RAPH1: variants seen among roughly 807,000 people sequenced by gnomAD.
RAPH1 encodes ras-associated and pleckstrin homology domains-containing protein 1.
RAPH1 carries 18 observed loss-of-function variants against 88.1 expected under a neutral mutation model. The ratio of observed to expected loss-of-function variants is 0.20; its 90% CI spans 0.14 to 0.30. RAPH1 has a LOEUF of 0.30. Among genes scored for constraint, RAPH1 ranks in the 10% least tolerant of loss-of-function variants. RAPH1 has a pLI of 1.00. For missense variants in RAPH1, 1,448 were observed against 1,543.2 expected (o/e 0.94, Z 1.03); for synonymous variants, 587 against 559.0 (o/e 1.05, Z -0.71).
At chr2:203,478,036 GTT>G (rs71408938) in intron 4 of RAPH1, among the ~76,000 whole-genome samples, 160 of 140,298 alleles carry the variant, frequency 1.1e-3, no homozygotes, top group Middle Eastern at 3.5e-3. Context: ...ATAACTTTTT[GTT>G]TTTTTTTTTT....
At chr2:203,441,997 G>C in intron 13 of RAPH1, 1 of 1,542,052 alleles carries the variant, frequency 6.5e-7, no homozygotes, top group African/African-American at 1.4e-5. Flanking sequence ...ACACACACTC[G>C]TGTTGGTGTG....
At chr2:203,442,361 C>G (rs2098505024) in intron 13 of RAPH1, 2 of 280,372 alleles carry the variant, frequency 7.1e-6, no homozygotes. Flanking sequence ...ACTTTAGGTA[C>G]ATCTTTTAGG....
intron 4 of RAPH1, among the ~76,000 whole-genome samples, chr2:203,485,765 G>T (rs148420716): frequency 7.8e-4 from 118 of 151,698 alleles, no homozygotes; most frequent in Non-Finnish European, 1.2e-3. Flanking sequence ...GTTTTTAGTT[G>T]TCACAACTGA....
intron 8 of RAPH1, among the ~76,000 whole-genome samples, chr2:203,456,124 T>C (rs1258898779): frequency 1.3e-5 from 2 of 152,204 alleles, no homozygotes; most frequent in African/African-American, 2.4e-5. Flanking sequence ...TAAATAAAAA[T>C]GCCAGTCATA....
At chr2:203,533,741 C>A (rs1690490764) in intron 1 of RAPH1, among the ~76,000 whole-genome samples, 1 of 151,994 alleles carries the variant, frequency 6.6e-6, no homozygotes, top group Non-Finnish European at 1.5e-5. Flanking sequence ...CCGCACCGCA[C>A]CCCCAAAAAA....
chr2:203,453,195 T>C (rs2098516272), intron 10 of RAPH1, among the ~76,000 whole-genome samples: 1 of 152,126 alleles, frequency 6.6e-6, no homozygotes, highest in African/African-American at 2.4e-5. Context: ...TATTTGCACC[T>C]AAAGGTACCT....
At position 203,438,045 on chromosome 2, in the gene RAPH1, T is replaced by A; in HGVS notation, c.*1392A>T. 2.2e-6 allele frequency: 1 copy of A among 458,428 alleles called. No homozygotes were observed. Among genetic ancestry groups the A allele is most frequent in the Non-Finnish European group, 4.4e-6 (1 of 229,400 alleles). 28.4% of individuals were successfully genotyped at this position (458,428 alleles called of 1,614,324 possible). On this transcript the variant is annotated 3_prime_UTR_variant, in exon 14 of 14. Transcript: ENST00000319170. ...AAGCATATAGAAGTATAGTGTGTCG[T>A]TAGAGCACTGACTCCACGTTATACC...
Position 203,444,856 on chromosome 2 carries a change from C to A in RAPH1, c.1776+12G>T. The A allele has an allele frequency of 6.2e-7, 1 of 1,610,862 alleles. No individual in the cohort carries two copies. Among genetic ancestry groups the A allele is most frequent in the South Asian group, 1.1e-5 (1 of 90,302 alleles). On this transcript the variant is annotated intron_variant, in intron 13 of 13. Coordinates refer to ENST00000319170, the MANE Select transcript of RAPH1 (RefSeq NM_213589.3). ...ACAGAATTTTCAATGTAAATTAAAA[C>A]GAAGCTGTTACCTTGCTGGACTCTT...
At chr2:203,456,008 C>G (rs1434240901) in intron 8 of RAPH1, among the ~76,000 whole-genome samples, 1 of 150,712 alleles carries the variant, frequency 6.6e-6, no homozygotes, top group Non-Finnish European at 1.5e-5. Context: ...GACTCTGTCT[C>G]AAAACAAAAA....
intron 7 of RAPH1, among the ~76,000 whole-genome samples, chr2:203,458,716 C>A (rs1204549602): frequency 1.3e-5 from 2 of 152,002 alleles, no homozygotes; most frequent in African/African-American, 2.4e-5. Flanking sequence ...TGCAAATCCA[C>A]AGATGCAGAA....
chr2:203,515,297 G>C lies in RAPH1; in HGVS notation c.-1+19814C>G, dbSNP rs144673401. On this transcript the variant is annotated intron_variant, in intron 1 of 13. Coordinates refer to ENST00000319170, the MANE Select transcript of RAPH1 (RefSeq NM_213589.3). ...AAACCATTAACAATGCATAACCATT[G>C]CAAGTTCTGTTTGACGGTATACTGT... Among the ~76,000 whole-genome samples the C allele has an allele frequency of 3.2e-4, 48 of 152,276 alleles. 1 individual carries two copies. Among genetic ancestry groups the C allele is most frequent in the Middle Eastern group, 3.4e-3 (1 of 294 alleles).
rs185433375 is a variant in RAPH1 at position 203,496,524 on chromosome 2, A to G, written c.1-1171T>C. 7.9e-4 allele frequency among the ~76,000 whole-genome samples: 120 copies of G among 152,348 alleles called. 2 individuals carry two copies. The highest frequency in any genetic ancestry group is 3.4e-3 in the Middle Eastern group (1 of 294). On this transcript the variant is annotated intron_variant, in intron 1 of 13. Coordinates refer to ENST00000319170, the MANE Select transcript of RAPH1 (RefSeq NM_213589.3). ...GGCCCTGGAAAATCTTCAAATAAAC[A>G]CTAGCTTTGCTTAAACCAGCCAGCA...
At chr2:203,494,681 C>T (rs946279883) in intron 2 of RAPH1, among the ~76,000 whole-genome samples, 4 of 151,532 alleles carry the variant, frequency 2.6e-5, no homozygotes, top group East Asian at 1.9e-4. Context: ...TGGTGGCGGG[C>T]GCCTGTAGTC....
intron 1 of RAPH1, among the ~76,000 whole-genome samples, chr2:203,510,538 T>C (rs1689289716): frequency 6.6e-6 from 1 of 151,876 alleles, no homozygotes; most frequent in Non-Finnish European, 1.5e-5. Context: ...ATTAAGACAT[T>C]TTCTTCCAGG....
intron 3 of RAPH1, 99 bp from the exon 4 acceptor site, chr2:203,490,188 G>A: frequency 8.4e-7 from 1 of 1,191,314 alleles, no homozygotes; most frequent in Non-Finnish European, 1.2e-6. Flanking sequence ...ATTTTGTTGG[G>A]CCTAAAGCAA....
intron 1 of RAPH1, among the ~76,000 whole-genome samples, chr2:203,521,732 C>A: frequency 6.6e-6 from 1 of 151,660 alleles, no homozygotes; most frequent in Non-Finnish European, 1.5e-5. Flanking sequence ...AAGAGAACAC[C>A]CCCCCACACA....
intron 4 of RAPH1, among the ~76,000 whole-genome samples, chr2:203,471,059 A>T (rs2098532675): frequency 6.6e-6 from 1 of 152,220 alleles, no homozygotes; most frequent in African/African-American, 2.4e-5. Flanking sequence ...ACTTTTCAGT[A>T]ACATGTTGTA....
chr2:203,451,786 A>G (rs963213608), intron 10 of RAPH1, among the ~76,000 whole-genome samples: 5 of 152,138 alleles, frequency 3.3e-5, no homozygotes, highest in African/African-American at 1.2e-4. Flanking sequence ...TCTCACCTAT[A>G]TCCCACAGGG....
intron 1 of RAPH1, among the ~76,000 whole-genome samples, chr2:203,501,610 AT>A (rs1358407576): frequency 1.3e-5 from 2 of 152,316 alleles, no homozygotes; most frequent in South Asian, 2.1e-4. Flanking sequence ...TCTTAAAAAA[AT>A]AAACATAATT....
Sources: gnomAD v4.1 joint callset for allele counts (sites outside exome capture counted in the v4.1 genomes callset) on GRCh38, gnomAD v4.1.1 for gene constraint, MANE v1.5 for transcripts, NCBI Gene and HGNC (gene_info 2026-07-23, HGNC 2026-07-21) for gene names.